Variants in CTSC observed in about 807,000 individuals in gnomAD.
CTSC encodes cathepsin C, also known as dipeptidyl peptidase 1.
CTSC carries 37 observed loss-of-function variants against 40.9 expected under a neutral mutation model. That is an observed-to-expected ratio of 0.91 (90% confidence interval 0.70 to 1.19). CTSC has a LOEUF of 1.19. CTSC is among the 50% of genes most tolerant of loss of function. The probability of loss-of-function intolerance (pLI) is 0.00; values close to 1 mark genes in which losing one functional copy is unlikely to be tolerated. For missense variants in CTSC, 594 were observed against 567.3 expected (o/e 1.05, Z -0.48); for synonymous variants, 232 against 207.4 (o/e 1.12, Z -1.02).
chr11:88,293,793 A>G lies in CTSC; in HGVS notation c.*213T>C. 1.7e-6 allele frequency: 1 copy of G among 604,234 alleles called. No individual in the cohort carries two copies. The highest frequency in any genetic ancestry group is 2.9e-6 in the Non-Finnish European group (1 of 342,656). 37.4% of individuals were successfully genotyped at this position (604,234 alleles called of 1,614,324 possible). ...TTCATAGCTGACCATCTTCCAGAAAATTCCCACTTAATTGAATACTTAGAA... is the reference window on the plus strand; with the variant it reads ...TTCATAGCTGACCATCTTCCAGAAAGTTCCCACTTAATTGAATACTTAGAA... On this transcript the variant is annotated 3_prime_UTR_variant, in exon 7 of 7. Transcript: ENST00000227266.
At chr11:88,300,758 T>C (rs1282917313) in intron 4 of CTSC, 113 bp from the exon 5 acceptor site, 2 of 738,690 alleles carry the variant, frequency 2.7e-6, no homozygotes, top group East Asian at 5.4e-5. Context: ...AGGATCTAGA[T>C]TCAGACCCAG....
chr11:88,325,618 C>A (rs763491326), intron 2 of CTSC: 42 of 984,486 alleles, frequency 4.3e-5, no homozygotes, highest in Non-Finnish European at 4.8e-5. Flanking sequence ...TAAAATGAAA[C>A]TAGTTATATC....
At chr11:88,324,794 C>T in intron 2 of CTSC, 3 of 985,266 alleles carry the variant, frequency 3.0e-6, no homozygotes, top group Non-Finnish European at 3.6e-6. Flanking sequence ...GCAGCGTCAT[C>T]AAGGTCCTGA....
intron 1 of CTSC, among the ~76,000 whole-genome samples, chr11:88,336,301 G>A (rs867398309): frequency 1.3e-5 from 2 of 151,550 alleles, no homozygotes; most frequent in African/African-American, 4.9e-5. Context: ...AGTACTTTGG[G>A]AGGCCGAGGC....
chr11:88,325,915 G>C (rs1443950472), intron 2 of CTSC: 1 of 989,682 alleles, frequency 1.0e-6, no homozygotes. Flanking sequence ...CCTTACAACA[G>C]GCTCTTGGGT....
chr11:88,334,745 T>C (rs924026605), intron 2 of CTSC, 192 bp downstream of exon 2: 68 of 578,046 alleles, frequency 1.2e-4, no homozygotes, highest in African/African-American at 1.2e-3. Flanking sequence ...ACTGGTATTT[T>C]GTAAACCTAC....
At position 88,337,735 on chromosome 11, in the gene CTSC, G is replaced by T. The variant is rs749706315; in HGVS notation, c.-63C>A. 77 of 1,536,560 alleles carry T rather than the reference G, an allele frequency of 5.0e-5. No homozygotes were observed. In the African/African-American group the frequency reaches 1.0e-3, roughly 21 times the overall value. On this transcript the variant is annotated 5_prime_UTR_variant, in exon 1 of 7. Transcript: ENST00000227266. ...GGAAGCCGAGCGCTGCGGGCTAGCG[G>T]TGAGTCCACCACGAGGCGCGCGCCT...
At chr11:88,323,817 T>A (rs1303602494) in intron 2 of CTSC, 1 of 152,144 alleles carries the variant, frequency 6.6e-6, no homozygotes, top group Admixed American at 6.5e-5. Flanking sequence ...AGAATCAATA[T>A]CATGAAAATG....
chr11:88,307,773 T>A (rs762529806), intron 4 of CTSC, among the ~76,000 whole-genome samples: 1 of 152,072 alleles, frequency 6.6e-6, no homozygotes, highest in Non-Finnish European at 1.5e-5. Context: ...GTTATGGTCA[T>A]AATTAGATGG....
At chr11:88,299,276 C>T (rs1255791331) in intron 5 of CTSC, 1 of 152,176 alleles carries the variant, frequency 6.6e-6, no homozygotes, top group Non-Finnish European at 1.5e-5. Context: ...GCATAACTTG[C>T]AATCTCTTAA....
chr11:88,316,980 T>C (rs1488160253), intron 2 of CTSC, among the ~76,000 whole-genome samples: 1 of 152,168 alleles, frequency 6.6e-6, no homozygotes, highest in Non-Finnish European at 1.5e-5. Flanking sequence ...TTTTTTTTTT[T>C]TTTCAAGATG....
chr11:88,307,556 CTTT>C (rs5793311), intron 4 of CTSC, among the ~76,000 whole-genome samples: 6 of 73,500 alleles, frequency 8.2e-5, no homozygotes, highest in Non-Finnish European at 1.0e-4. Context: ...ATACTGATAA[CTTT>C]TTTTTTTTTT....
intron 2 of CTSC, chr11:88,323,831 A>G (rs1233266900): frequency 6.6e-6 from 1 of 152,234 alleles, no homozygotes; most frequent in Non-Finnish European, 1.5e-5. Context: ...GAAAATGGCC[A>G]TACTGCCCAA....
intron 5 of CTSC, among the ~76,000 whole-genome samples, chr11:88,300,308 A>G (rs1395451665): frequency 5.9e-5 from 9 of 152,228 alleles, no homozygotes; most frequent in Admixed American, 5.9e-4. Context: ...TATTGAGAAG[A>G]GTACTGAATA....
At chr11:88,325,281 T>TA (rs1386664471) in intron 2 of CTSC, 42 of 985,222 alleles carry the variant, frequency 4.3e-5, no homozygotes, top group Non-Finnish European at 4.7e-5. Flanking sequence ...AAGGAGAAGG[T>TA]AAGTTTTGGT....
chr11:88,310,833 G>C (rs1470149237), intron 3 of CTSC, among the ~76,000 whole-genome samples: 3 of 152,106 alleles, frequency 2.0e-5, no homozygotes, highest in Non-Finnish European at 4.4e-5. Context: ...AAATACTTTT[G>C]AGATATTTTC....
In CTSC at chr11:88,337,669, C is replaced by G. The variant is rs368771602; in HGVS notation, c.4G>C (p.Gly2Arg). 8 of 1,574,054 alleles carry G rather than the reference C, an allele frequency of 5.1e-6. No homozygotes were observed. Among genetic ancestry groups the G allele is most frequent in the East Asian group, 2.3e-5 (1 of 42,710 alleles). ...GCGAGCAGCAAGGAGGGCCCAGCACCCATGCTGCAGGGAGCTGAGAAAAGA... is the reference window on the plus strand; with the variant it reads ...GCGAGCAGCAAGGAGGGCCCAGCACGCATGCTGCAGGGAGCTGAGAAAAGA... Reference protein sequence around the residue: MGAGPSLLLAAL... With the variant: MRAGPSLLLAAL... The change falls in exon 1 of 7, where the codon GGT becomes CGT. Residue 2 changes from glycine (G) to arginine (R), a missense_variant. By Grantham distance (125) the Gly-to-Arg change is moderately radical (BLOSUM62 -2). Coordinates refer to ENST00000227266, the MANE Select transcript of CTSC (RefSeq NM_001814.6).
chr11:88,327,869 T>A, intron 2 of CTSC: 1 of 522,164 alleles, frequency 1.9e-6, no homozygotes. Flanking sequence ...CAAGTAGCAT[T>A]CTTGGGAGAG....
At chr11:88,295,072 C>G (rs1944283264) in intron 6 of CTSC, among the ~76,000 whole-genome samples, 1 of 152,166 alleles carries the variant, frequency 6.6e-6, no homozygotes, top group South Asian at 2.1e-4. Flanking sequence ...GTTCTTCACT[C>G]TGTTGTTATA....
Sources: allele counts gnomAD v4.1 joint callset (sites outside exome capture counted in the v4.1 genomes callset), GRCh38; gene constraint gnomAD v4.1.1; transcripts MANE v1.5; gene names NCBI Gene and HGNC (gene_info 2026-07-23, HGNC 2026-07-21).